Variants in MPIG6B observed in about 807,000 individuals in gnomAD.
The protein encoded by MPIG6B is immunoglobulin receptor.
MPIG6B carries 22 observed loss-of-function variants against 24.2 expected under a neutral mutation model. That is an observed-to-expected ratio of 0.91 (90% confidence interval 0.65 to 1.30). MPIG6B has a LOEUF of 1.30. Ranked by LOEUF, MPIG6B falls within the 50% of genes most tolerant of loss-of-function variation. The pLI is 0.00. For missense variants in MPIG6B, 301 were observed against 318.5 expected (o/e 0.94, Z 0.42); for synonymous variants, 136 against 142.0 (o/e 0.96, Z 0.30).
In MPIG6B at chr6:31,724,215, G is replaced by C; in HGVS notation, c.483G>C (p.Leu161=). 7 of 1,613,028 alleles carry C rather than the reference G, an allele frequency of 4.3e-6. No homozygotes were observed. Among genetic ancestry groups the C allele is most frequent in the South Asian group, 1.1e-5 (1 of 90,952 alleles). The change falls in exon 3 of 6, where the codon CTG becomes CTC. Residue 161 remains leucine (L), a synonymous_variant. Transcript: ENST00000649779. ...TGCTCGGACTGGGAGCTTTGGGCCTGGTCTGGTGGCTGCACAGGTGAGCAG... is the reference window on the plus strand; with the variant it reads ...TGCTCGGACTGGGAGCTTTGGGCCTCGTCTGGTGGCTGCACAGGTGAGCAG... The part of the protein sequence containing the change: ...GLVLGLGALG[L]VWWLHRRLPP...
chr6:31,723,316 T>A, upstream of MPIG6B: 9 of 955,486 alleles, frequency 9.4e-6, no homozygotes, highest in Non-Finnish European at 8.9e-6. The surrounding 1 kb of genome is among the most constrained non-coding windows in gnomAD (Gnocchi z 4.3). Context: ...CTAACTTCCC[T>A]CCGGTCCCCC....
rs569298919 is a variant in MPIG6B, at chr6:31,725,421, G to A, written c.*347G>A. The A allele has an allele frequency of 6.6e-5, 15 of 227,144 alleles. No homozygotes were observed. Among genetic ancestry groups the A allele is most frequent in the African/African-American group, 2.8e-4 (12 of 43,406 alleles). 14.1% of individuals were successfully genotyped at this position (227,144 alleles called of 1,614,324 possible). The stretch of plus-strand genomic sequence containing the variant: ...TCCCTCACTGCAAGCTCCGCCTGCC[G>A]GGTTCACACCATTCTCCTGCCTCAG... On this transcript the variant is annotated 3_prime_UTR_variant, in exon 6 of 6. Transcript: ENST00000649779. This position sits in a 1 kb window ranked among gnomAD's most constrained non-coding sequence, Gnocchi z 5.2.
upstream of MPIG6B, chr6:31,721,910 G>T: frequency 1.9e-6 from 1 of 517,708 alleles, no homozygotes; most frequent in East Asian, 3.1e-5. Flanking sequence ...GGGAGAGAGG[G>T]ATGGGGGAAG....
At chr6:31,721,483 TG>T, upstream of MPIG6B, 1 of 628,148 alleles carries the variant, frequency 1.6e-6, no homozygotes, top group Non-Finnish European at 2.8e-6. Flanking sequence ...TAGGGAAGCC[TG>T]GTCTTGGTGG....
chr6:31,720,440 A>G (rs805294), upstream of MPIG6B, among the ~76,000 whole-genome samples: 72,240 of 152,054 alleles, frequency 0.48, 18,799 homozygotes, highest in African/African-American at 0.71. This position sits in a 1 kb window ranked among gnomAD's most constrained non-coding sequence, Gnocchi z 4.9. Flanking sequence ...CATATCTTCC[A>G]TCACTCCACC....
rs147564446 is a variant in MPIG6B at position 31,723,730 on chromosome 6, G to A, written c.153G>A (p.Pro51=). Reference sequence around the variant, plus strand: ...GCTGGGTCTGGGCACCCAGCTTCCCGGCCTGCAAGGGCCTGTCCAAAGGAC... The same window carrying A: ...GCTGGGTCTGGGCACCCAGCTTCCCAGCCTGCAAGGGCCTGTCCAAAGGAC... ...PIRWVWAPSF[P]ACKGLSKGRR... Residue 51 remains proline, a synonymous_variant, in exon 2 of 6, where the codon CCG becomes CCA. Coordinates refer to ENST00000649779, the MANE Select transcript of MPIG6B (RefSeq NM_138272.3). This position sits in a 1 kb window ranked among gnomAD's most constrained non-coding sequence, Gnocchi z 4.3. 2 of 1,613,170 alleles carry A rather than the reference G, an allele frequency of 1.2e-6. No homozygotes were observed. The highest frequency in any genetic ancestry group is 2.2e-5 in the East Asian group (1 of 44,886).
chr6:31,723,721 C>A lies in MPIG6B; in HGVS notation c.144C>A (p.Pro48=). ...VSHPIRWVWA[P]SFPACKGLSK... ...ATCCCATCCGCTGGGTCTGGGCACC[C>A]AGCTTCCCGGCCTGCAAGGGCCTGT... The change falls in exon 2 of 6, where the codon CCC becomes CCA. Residue 48 remains proline (P), a synonymous_variant. Transcript: ENST00000649779. This position sits in a 1 kb window ranked among gnomAD's most constrained non-coding sequence, Gnocchi z 4.3. The A allele has an allele frequency of 6.2e-7, 1 of 1,612,984 alleles. No individual in the cohort carries two copies. Among genetic ancestry groups the A allele is most frequent in the Non-Finnish European group, 8.5e-7 (1 of 1,179,880 alleles).
In MPIG6B at chr6:31,725,521, G is replaced by C. The variant is rs1426949042; in HGVS notation, c.*447G>C. 1 of 162,458 alleles carries C rather than the reference G, an allele frequency of 6.2e-6. No homozygotes were observed. The highest frequency in any genetic ancestry group is 2.4e-5 in the African/African-American group (1 of 41,540). The allele number at this position is 162,458 out of a possible 1,614,324, so 10.1% of individuals were successfully genotyped here. ...TTTTTGTATTTTTAGTAGAGACGGG[G>C]TTTCACTGTGTTAGCCAGGATGGTC... On this transcript the variant is annotated 3_prime_UTR_variant, in exon 6 of 6. Transcript: ENST00000649779. This position sits in a 1 kb window ranked among gnomAD's most constrained non-coding sequence, Gnocchi z 5.2.
At position 31,724,972 on chromosome 6, in the gene MPIG6B, C is replaced by A. The variant is rs776844773; in HGVS notation, c.624C>A (p.Ser208Arg). ...KIPGDLDQEPSLLYADLDHLA... is the reference protein window; with the variant it reads ...KIPGDLDQEPRLLYADLDHLA... ...TCTTCCTCCCCTTCCTCCTCCAGAG[C>A]CTGCTCTATGCGGATCTGGACCATC... The change falls in exon 6 of 6, where the codon AGC becomes AGA. Residue 208 changes from serine to arginine, a missense_variant and splice_region_variant. By Grantham distance (110) the Ser-to-Arg change is moderately radical. Coordinates refer to ENST00000649779, the MANE Select transcript of MPIG6B (RefSeq NM_138272.3). 3 of 1,613,770 alleles carry A rather than the reference C, an allele frequency of 1.9e-6. No homozygotes were observed. Among genetic ancestry groups the A allele is most frequent in the Non-Finnish European group, 2.5e-6 (3 of 1,179,842 alleles).
At chr6:31,724,279 T>C (rs1807139464) in intron 3 of MPIG6B, 47 bp downstream of exon 3, 2 of 1,456,686 alleles carry the variant, frequency 1.4e-6, no homozygotes, top group African/African-American at 2.8e-5. Context: ...TGACCAGAGG[T>C]GGAAGGGGCA....
chr6:31,723,925 C>T lies in MPIG6B; in HGVS notation c.348C>T (p.Ser116=). Residue 116 remains serine, a synonymous_variant, in exon 2 of 6, where the codon AGC becomes AGT. Transcript: ENST00000649779. The surrounding 1 kb of genome is among the most constrained non-coding windows in gnomAD (Gnocchi z 4.3). ...GCAAGGGCCGCCACGAGGACGAGAG[C>T]CGTACAGTGCTTCACGTGCTGGGGG... ...FFCKGRHEDE[S]RTVLHVLGDR... 1 of 1,583,506 alleles carries T rather than the reference C, an allele frequency of 6.3e-7. No homozygotes were observed. Among genetic ancestry groups the T allele is most frequent in the Non-Finnish European group, 8.6e-7 (1 of 1,163,980 alleles).
Position 31,724,144 on chromosome 6 carries a change from T to C in MPIG6B, c.412T>C (p.Ser138Pro), listed in dbSNP as rs755446480. The C allele has an allele frequency of 6.2e-7, 1 of 1,612,240 alleles. No individual in the cohort carries two copies. ...YCKAPGPTHG[S>P]VYPQLLIPLL... ...TCCCCGCCACGCCTTTCCCCCAGGG[T>C]CCGTGTATCCCCAGCTCCTGATCCC... Residue 138 changes from serine (S) to proline (P), a missense_variant and splice_region_variant, in exon 3 of 6, where the codon TCC becomes CCC. Physicochemically the swap from Ser to Pro is moderately conservative, Grantham distance 74 (BLOSUM62 -1). Transcript: ENST00000649779.
At chr6:31,720,611 G>T (rs2736197), upstream of MPIG6B, among the ~76,000 whole-genome samples, 3,673 of 152,182 alleles carry the variant, frequency 0.024, 71 homozygotes, top group Middle Eastern at 0.068. The surrounding 1 kb of genome is among the most constrained non-coding windows in gnomAD (Gnocchi z 4.9). Context: ...AATCATGAGG[G>T]TTACAACACT....
intron 3 of MPIG6B, 30 bp downstream of exon 3, chr6:31,724,262 T>C (rs753075972): frequency 3.8e-6 from 6 of 1,559,002 alleles, no homozygotes. Flanking sequence ...CCTCGTTAAA[T>C]GGGGAGTGAC....
rs1562173162 is a variant in MPIG6B at position 31,723,881 on chromosome 6, G to T, written c.304G>T (p.Asp102Tyr). The T allele has an allele frequency of 3.1e-6, 5 of 1,609,318 alleles. No homozygotes were observed. The highest frequency in any genetic ancestry group is 1.3e-5 in the African/African-American group (1 of 74,830). ...RRLELLLSAG[D>Y]SGTFFCKGRH... is the part of the protein sequence containing the mutation. ...GCTGGAGCTCCTCTTGAGCGCGGGGGACTCGGGCACTTTTTTCTGCAAGGG... is the reference window on the plus strand; with the variant it reads ...GCTGGAGCTCCTCTTGAGCGCGGGGTACTCGGGCACTTTTTTCTGCAAGGG... Residue 102 changes from aspartate (D) to tyrosine (Y), a missense_variant, in exon 2 of 6, where the codon GAC (aspartate) becomes TAC (tyrosine). Asp to Tyr is a radical substitution (Grantham distance 160, BLOSUM62 -3). Coordinates refer to ENST00000649779, the MANE Select transcript of MPIG6B (RefSeq NM_138272.3). The surrounding 1 kb of genome is among the most constrained non-coding windows in gnomAD (Gnocchi z 4.3).
rs11575845 is a variant in MPIG6B at position 31,724,609 on chromosome 6, C to T, written c.523C>T (p.Arg175Ter). ...LHRRLPPQPI[R>*]PLPRFAPLVK... The stretch of plus-strand genomic sequence containing the variant: ...CAGGCGCCTGCCCCCGCAACCGATT[C>T]GACCACTCCCTAGATTTGGTGAGAC... Residue 175 changes from arginine to a stop codon, truncating the protein, a stop_gained, in exon 4 of 6, where the codon CGA (arginine) becomes TGA (stop). Transcript: ENST00000649779. LOFTEE classifies it high-confidence loss of function. The T allele has an allele frequency of 4.3e-6, 7 of 1,613,440 alleles. No individual in the cohort carries two copies. The highest frequency in any genetic ancestry group is 2.7e-5 in the African/African-American group (2 of 74,872).
chr6:31,721,510 C>T (rs1806781628), upstream of MPIG6B: 2 of 846,284 alleles, frequency 2.4e-6, no homozygotes, highest in East Asian at 5.2e-5. Context: ...GAGAGCTGAG[C>T]CAGTTGGGGC....
chr6:31,721,048 A>G (rs943036595), upstream of MPIG6B: 6 of 152,460 alleles, frequency 3.9e-5, no homozygotes, highest in African/African-American at 1.4e-4. Context: ...AGGCTCTTAG[A>G]TGTCACTGCA....
chr6:31,721,552 G>T, upstream of MPIG6B: 1 of 1,395,458 alleles, frequency 7.2e-7, no homozygotes, highest in South Asian at 1.2e-5. Context: ...TGGTGGGTAG[G>T]GCCGGGAAGT....
Sources: gnomAD v4.1 joint callset for allele counts (sites outside exome capture counted in the v4.1 genomes callset) on GRCh38, gnomAD v4.1.1 for gene constraint, Gnocchi (gnomAD v3.1) non-coding constraint, MANE v1.5 for transcripts, NCBI Gene and HGNC (gene_info 2026-07-23, HGNC 2026-07-21) for gene names.